Variants in PELI2 observed in about 807,000 individuals in gnomAD.
PELI2 encodes E3 ubiquitin-protein ligase pellino homolog 2.
PELI2 carries 23 observed loss-of-function variants against 42.3 expected under a neutral mutation model. The observed-to-expected ratio is 0.54, with a 90% confidence interval of 0.39 to 0.77. The LOEUF (loss-of-function observed/expected upper bound fraction) is 0.77. Ranked by LOEUF, PELI2 falls within the 30% of genes least tolerant of loss-of-function variation. The pLI is 0.00. For missense variants in PELI2, 463 were observed against 553.2 expected, an observed-to-expected ratio of 0.84 and a Z score of 1.64; for synonymous variants, 245 against 212.2, an observed-to-expected ratio of 1.15 and a Z score of -1.34.
At chr14:56,225,674 G>A (rs899743567) in intron 2 of PELI2, among the ~76,000 whole-genome samples, 1 of 152,194 alleles carries the variant, frequency 6.6e-6, no homozygotes, top group African/African-American at 2.4e-5. Flanking sequence ...AGGAGTGGTG[G>A]TGCCCACTTT....
chr14:56,165,725 T>C (rs572350104), intron 1 of PELI2, among the ~76,000 whole-genome samples: 1 of 152,310 alleles, frequency 6.6e-6, no homozygotes, highest in Non-Finnish European at 1.5e-5. Context: ...TATCTGTCTA[T>C]CTAAAGGGGC....
At chr14:56,259,231 A>G (rs1888631993) in intron 2 of PELI2, among the ~76,000 whole-genome samples, 1 of 152,178 alleles carries the variant, frequency 6.6e-6, no homozygotes, top group African/African-American at 2.4e-5. Context: ...AAAGTTTTTC[A>G]GGCAGAAGGA....
rs1419315702 is a variant in PELI2 at position 56,288,599 on chromosome 14, G to A, written c.472G>A (p.Ala158Thr). Residue 158 changes from alanine to threonine, a missense_variant, in exon 4 of 6, where the codon GCC becomes ACC. Around this residue, in one of 3 missense-constraint regions of PELI2, gnomAD observed 343 missense variants for 378.4 expected, o/e 0.91. Coordinates refer to ENST00000267460, the MANE Select transcript of PELI2 (RefSeq NM_021255.3). The surrounding 1 kb of genome is among the most constrained non-coding windows in gnomAD (Gnocchi z 4.6). ...ACCTTACACAGCACGGATATTCGCCGCCGGATTTGACTCTTCCAAAAACAT... is the reference window on the plus strand; with the variant it reads ...ACCTTACACAGCACGGATATTCGCCACCGGATTTGACTCTTCCAAAAACAT... ...NEPYTARIFA[A>T]GFDSSKNIFL... is the part of the protein sequence containing the mutation. 1.9e-6 allele frequency: 3 copies of A among 1,613,572 alleles called. No homozygotes were observed. Among genetic ancestry groups the A allele is most frequent in the Non-Finnish European group, 2.5e-6 (3 of 1,179,796 alleles).
At chr14:56,153,707 G>A (rs1884448523) in intron 1 of PELI2, among the ~76,000 whole-genome samples, 1 of 152,118 alleles carries the variant, frequency 6.6e-6, no homozygotes, top group Admixed American at 6.5e-5. Flanking sequence ...AGAATGATAG[G>A]TACATAGAGT....
intron 2 of PELI2, among the ~76,000 whole-genome samples, chr14:56,255,479 C>T (rs1888495290): frequency 6.6e-6 from 1 of 151,982 alleles, no homozygotes; most frequent in African/African-American, 2.4e-5. Flanking sequence ...TGCACCAGGG[C>T]CTGTCGGGGT....
At chr14:56,167,466 A>G (rs1482937591) in intron 1 of PELI2, among the ~76,000 whole-genome samples, 1 of 152,194 alleles carries the variant, frequency 6.6e-6, no homozygotes, top group Non-Finnish European at 1.5e-5. Context: ...ACTCTGATGC[A>G]TTCTTCAGTA....
At chr14:56,240,423 A>C (rs1198995446) in intron 2 of PELI2, among the ~76,000 whole-genome samples, 2 of 152,176 alleles carry the variant, frequency 1.3e-5, no homozygotes. Context: ...CAAAAGTGAA[A>C]GTGTGAACTG....
At position 56,288,383 on chromosome 14, in the gene PELI2, A is replaced by G. The variant is rs775770910; in HGVS notation, c.310-54A>G. The stretch of plus-strand genomic sequence containing the variant: ...TGAATGCTTTTTCCTTGTGAATAAA[A>G]TACGGCACCCTGCTATTTTCCAAGT... On this transcript the variant is annotated intron_variant, in intron 3 of 5. Coordinates refer to ENST00000267460, the MANE Select transcript of PELI2 (RefSeq NM_021255.3). This position sits in a 1 kb window ranked among gnomAD's most constrained non-coding sequence, Gnocchi z 4.6. The G allele has an allele frequency of 4.4e-6, 6 of 1,375,698 alleles. No individual in the cohort carries two copies. Among genetic ancestry groups the G allele is most frequent in the Non-Finnish European group, 6.2e-6 (6 of 973,386 alleles). The allele number at this position is 1,375,698 out of a possible 1,614,324, so 85.2% of individuals were successfully genotyped here.
At chr14:56,179,760 C>T (rs538310418) in intron 2 of PELI2, among the ~76,000 whole-genome samples, 2 of 152,226 alleles carry the variant, frequency 1.3e-5, no homozygotes, top group African/African-American at 4.8e-5. Flanking sequence ...TGGTGAAGAA[C>T]GATACCAAAA....
Position 56,288,706 on chromosome 14 carries a change from G to GAA in PELI2, c.507+72_507+73insAA. 1 of 1,058,268 alleles carries GAA rather than the reference G, an allele frequency of 9.4e-7. No homozygotes were observed. The highest frequency in any genetic ancestry group is 3.3e-5 in the Admixed American group (1 of 30,256). 65.6% of individuals were successfully genotyped at this position (1,058,268 alleles called of 1,614,324 possible). The stretch of plus-strand genomic sequence containing the variant: ...TTATGATATGGAACATTTAATTGGA[G>GAA]CAAAAAAAAATTGGCTTTGTATGTT... On this transcript the variant is annotated intron_variant, in intron 4 of 5. Coordinates refer to ENST00000267460, the MANE Select transcript of PELI2 (RefSeq NM_021255.3). This position sits in a 1 kb window ranked among gnomAD's most constrained non-coding sequence, Gnocchi z 4.6.
intron 2 of PELI2, among the ~76,000 whole-genome samples, chr14:56,226,644 C>T (rs1185477826): frequency 6.6e-6 from 1 of 152,144 alleles, no homozygotes; most frequent in Non-Finnish European, 1.5e-5. Flanking sequence ...GATGCCATGG[C>T]ACTTGTGTTA....
chr14:56,226,223 A>G (rs1249792453), intron 2 of PELI2, among the ~76,000 whole-genome samples: 1 of 152,124 alleles, frequency 6.6e-6, no homozygotes, highest in Non-Finnish European at 1.5e-5. Context: ...CCCAGCAAGG[A>G]TTTCGCTCCC....
rs1049005884 is a variant in PELI2, at chr14:56,288,371, C to T, written c.310-66C>T. ...TTAAAGGAATCCTGAATGCTTTTTC[C>T]TTGTGAATAAAATACGGCACCCTGC... On this transcript the variant is annotated intron_variant, in intron 3 of 5. Transcript: ENST00000267460. The surrounding 1 kb of genome is among the most constrained non-coding windows in gnomAD (Gnocchi z 4.6). 1 of 1,242,492 alleles carries T rather than the reference C, an allele frequency of 8.0e-7. No homozygotes were observed. Among genetic ancestry groups the T allele is most frequent in the Non-Finnish European group, 1.2e-6 (1 of 861,692 alleles). 77.0% of individuals were successfully genotyped at this position (1,242,492 alleles called of 1,614,324 possible).
intron 1 of PELI2, among the ~76,000 whole-genome samples, chr14:56,133,965 T>C (rs549898604): frequency 6.6e-6 from 1 of 152,354 alleles, no homozygotes; most frequent in East Asian, 1.9e-4. Context: ...TGCTGTAGTT[T>C]TTAAGAATGT....
chr14:56,236,341 T>G (rs1887793385), intron 2 of PELI2, among the ~76,000 whole-genome samples: 1 of 152,134 alleles, frequency 6.6e-6, no homozygotes, highest in African/African-American at 2.4e-5. Context: ...ATTCTCAGGT[T>G]TTAATGACAC....
chr14:56,297,190 T>TTAA lies in PELI2; in HGVS notation c.*25_*26insAAT, dbSNP rs758893666. On this transcript the variant is annotated 3_prime_UTR_variant, in exon 6 of 6. Transcript: ENST00000267460. ...GACGCCCTTGACAGCCATCTACGAC[T>TTAA]TTATTAACAGGTTACTGTGAAGATT... The TTAA allele has an allele frequency of 6.6e-7, 1 of 1,519,298 alleles. No individual in the cohort carries two copies. The highest frequency in any genetic ancestry group is 9.0e-7 in the Non-Finnish European group (1 of 1,115,520). The allele number at this position is 1,519,298 out of a possible 1,614,324, so 94.1% of individuals were successfully genotyped here. A position where few individuals can be genotyped will look rare whatever the true frequency, so the allele number is the denominator to read the frequency against.
intron 2 of PELI2, among the ~76,000 whole-genome samples, chr14:56,248,451 A>G (rs1594681567): frequency 6.6e-6 from 1 of 152,084 alleles, no homozygotes; most frequent in Non-Finnish European, 1.5e-5. Flanking sequence ...CCCGATCATC[A>G]GGAGAGTCAG....
chr14:56,271,031 A>G (rs376567347), intron 2 of PELI2, among the ~76,000 whole-genome samples: 5 of 152,308 alleles, frequency 3.3e-5, no homozygotes, highest in African/African-American at 1.2e-4. Flanking sequence ...CATTTGCTGG[A>G]TTATCAGTGG....
chr14:56,127,303 A>G (rs1883307818), intron 1 of PELI2, among the ~76,000 whole-genome samples: 1 of 152,122 alleles, frequency 6.6e-6, no homozygotes, highest in Admixed American at 6.6e-5. Context: ...GACATGAAAT[A>G]ACAGAACTAA....
Sources: allele counts gnomAD v4.1 joint callset (sites outside exome capture counted in the v4.1 genomes callset), GRCh38; gene constraint gnomAD v4.1.1; regional missense constraint gnomAD v4.1.1; non-coding constraint Gnocchi (gnomAD v3.1); transcripts MANE v1.5; gene names NCBI Gene and HGNC (gene_info 2026-07-23, HGNC 2026-07-21).